ANKS1B: variants seen among roughly 807,000 people sequenced by gnomAD.
ANKS1B encodes ankyrin repeat and sterile alpha motif domain-containing protein 1B.
In ANKS1B, 36 loss-of-function variants were observed where a neutral mutation model predicts 148.3. That is an observed-to-expected ratio of 0.24 (90% CI 0.19 to 0.32). The LOEUF is 0.32. Among genes scored for constraint, ANKS1B ranks in the 10% least tolerant of loss-of-function variants. The pLI is 1.00. For missense variants in ANKS1B, 1,157 were observed against 1,542.6 expected (o/e 0.75, Z 4.19); for synonymous variants, 542 against 560.8 (o/e 0.97, Z 0.47).
chr12:99,378,277 C>T (rs573648065), intron 12 of ANKS1B, among the ~76,000 whole-genome samples: 1 of 152,244 alleles, frequency 6.6e-6, no homozygotes, highest in African/African-American at 2.4e-5. Flanking sequence ...GTGACTGTGG[C>T]TTTTGTTTAA....
intron 1 of ANKS1B, among the ~76,000 whole-genome samples, chr12:99,921,901 A>G (rs1004630865): frequency 6.6e-6 from 1 of 152,166 alleles, no homozygotes; most frequent in Non-Finnish European, 1.5e-5. Flanking sequence ...TTAATCTCTT[A>G]GACAAGTATA....
intron 14 of ANKS1B, among the ~76,000 whole-genome samples, chr12:99,169,705 G>T (rs557384068): frequency 1.3e-5 from 2 of 152,228 alleles, no homozygotes; most frequent in Non-Finnish European, 1.5e-5. Context: ...TATTCTAAAC[G>T]TTCTACATGT....
At chr12:99,589,988 T>A (rs1051433581) in intron 9 of ANKS1B, among the ~76,000 whole-genome samples, 1 of 152,062 alleles carries the variant, frequency 6.6e-6, no homozygotes, top group African/African-American at 2.4e-5. Context: ...AAACATTTTT[T>A]AAAAAAGAAT....
In ANKS1B at chr12:99,413,088, AG is replaced by A. The variant is rs372381993; in HGVS notation, c.1576-13278del. On this transcript the variant is annotated intron_variant, in intron 11 of 26. Coordinates refer to ENST00000683438, the MANE Select transcript of ANKS1B (RefSeq NM_001352186.2). ...AAAAAATATATGATCACCACAAGGG[AG>A]TTAAAGAAGTCGTGAGTGAGTATTG... Among the ~76,000 whole-genome samples the A allele has an allele frequency of 6.1e-3, 926 of 152,320 alleles. 8 individuals are homozygous for A. Among genetic ancestry groups the A allele is most frequent in the African/African-American group, 0.021 (878 of 41,574 alleles).
intron 17 of ANKS1B, among the ~76,000 whole-genome samples, chr12:98,956,008 G>A (rs915522111): frequency 6.6e-6 from 1 of 152,160 alleles, no homozygotes; most frequent in African/African-American, 2.4e-5. Flanking sequence ...CCAAGGCCCA[G>A]GTCTGCCTGA....
At chr12:99,186,686 T>G (rs531793345) in intron 14 of ANKS1B, among the ~76,000 whole-genome samples, 1 of 152,074 alleles carries the variant, frequency 6.6e-6, no homozygotes, top group African/African-American at 2.4e-5. Context: ...CAGAAAGGAA[T>G]AGTATCAACA....
At chr12:99,102,507 G>T (rs2058195584) in intron 15 of ANKS1B, among the ~76,000 whole-genome samples, 1 of 152,138 alleles carries the variant, frequency 6.6e-6, no homozygotes, top group Non-Finnish European at 1.5e-5. Context: ...TTTTTGGGAG[G>T]CTAAGATAGG....
Position 98,745,367 on chromosome 12 carries a change from C to A in ANKS1B, c.*372G>T. On this transcript the variant is annotated 3_prime_UTR_variant, in exon 27 of 27. Coordinates refer to ENST00000683438, the MANE Select transcript of ANKS1B (RefSeq NM_001352186.2). ...CATACTTTTAGGCAGTATTAGAGAT[C>A]CCCTTTACTTTTTTTTTTTTTTTTT... 2.3e-6 allele frequency: 2 copies of A among 879,042 alleles called. No individual in the cohort carries two copies. Among genetic ancestry groups the A allele is most frequent in the South Asian group, 5.8e-5 (1 of 17,208 alleles). The allele number at this position is 879,042 out of a possible 1,614,324, so 54.5% of individuals were successfully genotyped here. A position where few individuals can be genotyped will look rare whatever the true frequency, so the allele number is the denominator to read the frequency against.
In ANKS1B at chr12:98,890,828, T is replaced by C. The variant is rs2099751118; in HGVS notation, c.2779-58692A>G. Among the ~76,000 whole-genome samples, 3 of 152,198 alleles carry C rather than the reference T, an allele frequency of 2.0e-5. No homozygotes were observed. The South Asian group carries it at 6.2e-4, about 31-fold the overall frequency. On this transcript the variant is annotated intron_variant, in intron 17 of 26. Coordinates refer to ENST00000683438, the MANE Select transcript of ANKS1B (RefSeq NM_001352186.2). ...CACAAAACCTAGCCCCGTCCCATGT[T>C]ACTAGAGCTACAGAATCAAGCACCC...
intron 15 of ANKS1B, among the ~76,000 whole-genome samples, chr12:99,129,640 C>A (rs1363271234): frequency 6.6e-6 from 1 of 152,108 alleles, no homozygotes; most frequent in African/African-American, 2.4e-5. Flanking sequence ...GATCAGAGAT[C>A]CTCCACCTTG....
intron 8 of ANKS1B, among the ~76,000 whole-genome samples, chr12:99,756,375 C>G (rs2061565960): frequency 6.6e-6 from 1 of 151,962 alleles, no homozygotes; most frequent in Admixed American, 6.6e-5. Flanking sequence ...ATACAGCTAA[C>G]TAGGGAGGTA....
At chr12:99,648,298 T>G in intron 9 of ANKS1B, 1 of 1,614,176 alleles carries the variant, frequency 6.2e-7, no homozygotes, top group Non-Finnish European at 8.5e-7. Context: ...TATATTCAGG[T>G]ATGCACCCAT....
At chr12:98,961,584 C>T (rs1255004692) in intron 17 of ANKS1B, among the ~76,000 whole-genome samples, 1 of 152,040 alleles carries the variant, frequency 6.6e-6, no homozygotes, top group African/African-American at 2.4e-5. Context: ...GAGAAAATCA[C>T]AGAATATTAT....
chr12:99,789,242 T>G (rs2153641425), intron 4 of ANKS1B, among the ~76,000 whole-genome samples: 1 of 152,264 alleles, frequency 6.6e-6, no homozygotes, highest in Admixed American at 6.5e-5. Context: ...CTTCCACATC[T>G]TATCCAAGAC....
intron 17 of ANKS1B, among the ~76,000 whole-genome samples, chr12:98,866,014 C>G (rs948069276): frequency 2.0e-5 from 3 of 152,062 alleles, no homozygotes; most frequent in African/African-American, 7.3e-5. Flanking sequence ...GTTGGGGGAG[C>G]CTGAGGGTGT....
intron 14 of ANKS1B, among the ~76,000 whole-genome samples, chr12:99,227,883 A>G (rs1022898412): frequency 2.0e-5 from 3 of 152,050 alleles, no homozygotes; most frequent in Admixed American, 1.3e-4. Flanking sequence ...TTACAGACAC[A>G]TATCACTTAC....
At chr12:99,538,373 AG>A (rs2153111789) in intron 9 of ANKS1B, among the ~76,000 whole-genome samples, 1 of 152,256 alleles carries the variant, frequency 6.6e-6, no homozygotes, top group Non-Finnish European at 1.5e-5. Context: ...AATAATATTG[AG>A]TCTTCCAATC....
At position 99,088,838 on chromosome 12, in the gene ANKS1B, G is replaced by GTTTTTTTTTTTTTTTTT. The variant is rs386377539; in HGVS notation, c.2527-3832_2527-3816dup. Reference sequence around the variant, plus strand: ...GCTAGCAAATCTCAGTTTAACTTCTGTTTTTTTTTTTTTTTTTTTTTTTTG... The same window carrying GTTTTTTTTTTTTTTTTT: ...GCTAGCAAATCTCAGTTTAACTTCTGTTTTTTTTTTTTTTTTTTTTTTTTTTTTTTTTTTTTTTTTTG... On this transcript the variant is annotated intron_variant, in intron 15 of 26. Transcript: ENST00000683438. Among the ~76,000 whole-genome samples, 4 of 69,848 alleles carry GTTTTTTTTTTTTTTTTT rather than the reference G, an allele frequency of 5.7e-5. 1 individual carries two copies. The highest frequency in any genetic ancestry group is 2.4e-4 in the Admixed American group (1 of 4,168). 45.8% of individuals were successfully genotyped at this position (69,848 alleles called of 152,430 possible).
intron 11 of ANKS1B, among the ~76,000 whole-genome samples, chr12:99,430,797 T>C (rs2095356987): frequency 6.6e-6 from 1 of 152,212 alleles, no homozygotes; most frequent in Non-Finnish European, 1.5e-5. Flanking sequence ...TGGGTTAGGA[T>C]GTGTGTCTAA....
Sources: gnomAD v4.1 joint callset for allele counts (sites outside exome capture counted in the v4.1 genomes callset) on GRCh38, gnomAD v4.1.1 for gene constraint, MANE v1.5 for transcripts, NCBI Gene and HGNC (gene_info 2026-07-23, HGNC 2026-07-21) for gene names.